Variants in BRINP2 observed in about 807,000 individuals in gnomAD.
BRINP2 encodes BMP/retinoic acid-inducible neural-specific protein 2.
BRINP2 carries 21 observed loss-of-function variants against 69.2 expected under a neutral mutation model. The ratio of observed to expected loss-of-function variants is 0.30; its 90% CI spans 0.22 to 0.44. The LOEUF is 0.44. Ranked by LOEUF, BRINP2 falls within the 20% of genes least tolerant of loss-of-function variation. The probability of loss-of-function intolerance (pLI) is 1.00; values close to 1 mark genes in which losing one functional copy is unlikely to be tolerated. For synonymous variants in BRINP2, 380 were observed against 394.1 expected, an observed-to-expected ratio of 0.96 and a Z score of 0.42; for missense variants, 877 against 986.0, an observed-to-expected ratio of 0.89 and a Z score of 1.48.
chr1:177,250,127 A>T (rs1339305258), intron 2 of BRINP2, among the ~76,000 whole-genome samples: 1 of 151,942 alleles, frequency 6.6e-6, no homozygotes, highest in African/African-American at 2.4e-5. Context: ...CCTGGGCTGG[A>T]CTCAAACTCC....
chr1:177,246,669 C>G (rs550911713), intron 2 of BRINP2, among the ~76,000 whole-genome samples: 40 of 152,302 alleles, frequency 2.6e-4, no homozygotes, highest in African/African-American at 8.9e-4. Flanking sequence ...ATGTCCCTAC[C>G]ATGATAGCTG....
At position 177,278,580 on chromosome 1, in the gene BRINP2, C is replaced by A. The variant is rs1431800603; in HGVS notation, c.1030C>A (p.Leu344Met). 1 of 1,614,168 alleles carries A rather than the reference C, an allele frequency of 6.2e-7. No individual in the cohort carries two copies. Among genetic ancestry groups the A allele is most frequent in the Admixed American group, 1.7e-5 (1 of 60,018 alleles). The change falls in exon 7 of 8, where the codon CTG (leucine) becomes ATG (methionine). Residue 344 changes from leucine to methionine, a missense_variant. By Grantham distance (15) the Leu-to-Met change is conservative. Transcript: ENST00000361539. ...FEESEEFQAL[L>M]KRLPDDRFLN... ...GTCCACAGAAGAGTTCCAGGCCCTG[C>A]TGAAAAGGCTGCCCGATGACCGGTT...
chr1:177,249,013 G>A (rs1650492987), intron 2 of BRINP2, among the ~76,000 whole-genome samples: 3 of 152,114 alleles, frequency 2.0e-5, no homozygotes, highest in Admixed American at 2.0e-4. Context: ...CTAAACTCAT[G>A]TACAACCAGA....
intron 1 of BRINP2, among the ~76,000 whole-genome samples, chr1:177,207,517 G>A (rs764689265): frequency 2.0e-5 from 3 of 152,126 alleles, no homozygotes; most frequent in Non-Finnish European, 4.4e-5. Flanking sequence ...CAGAGGAGTG[G>A]GGTGCAACCA....
Position 177,250,055 on chromosome 1 carries a change from C to T in BRINP2, c.270-5864C>T, listed in dbSNP as rs183159942. On this transcript the variant is annotated intron_variant, in intron 2 of 7. Transcript: ENST00000361539. Reference sequence around the variant, plus strand: ...CTTGCTATGTTGCCCAGGCTGGACTCGAACTCCTGTGGCTGAGGCCTTATG... The same window carrying T: ...CTTGCTATGTTGCCCAGGCTGGACTTGAACTCCTGTGGCTGAGGCCTTATG... Among the ~76,000 whole-genome samples the T allele has an allele frequency of 3.0e-4, 46 of 151,090 alleles. No homozygotes were observed. In the South Asian group the frequency reaches 9.1e-3, roughly 30 times the overall value.
intron 4 of BRINP2, among the ~76,000 whole-genome samples, chr1:177,261,845 C>G (rs1650965099): frequency 6.6e-6 from 1 of 152,118 alleles, no homozygotes; most frequent in Non-Finnish European, 1.5e-5. Flanking sequence ...TGAGACAGAA[C>G]AGAGAGTATG....
chr1:177,208,427 T>C (rs1264517985), intron 1 of BRINP2, among the ~76,000 whole-genome samples: 2 of 152,228 alleles, frequency 1.3e-5, no homozygotes, highest in East Asian at 1.9e-4. Flanking sequence ...AGATAAGTAC[T>C]GTCTTTTAAA....
chr1:177,211,658 G>A (rs1274412722), intron 1 of BRINP2, among the ~76,000 whole-genome samples: 1 of 152,122 alleles, frequency 6.6e-6, no homozygotes, highest in Non-Finnish European at 1.5e-5. Context: ...TCACAGAAGT[G>A]ATTCTATGAT....
At chr1:177,175,290 T>G (rs1405151810) in intron 1 of BRINP2, among the ~76,000 whole-genome samples, 12 of 149,238 alleles carry the variant, frequency 8.0e-5, no homozygotes, top group African/African-American at 3.0e-4. Flanking sequence ...AAAAGCGGGG[T>G]GGGGGGGGCA....
At chr1:177,185,550 A>T (rs927680781) in intron 1 of BRINP2, among the ~76,000 whole-genome samples, 1 of 152,226 alleles carries the variant, frequency 6.6e-6, no homozygotes, top group Non-Finnish European at 1.5e-5. Context: ...AGCCTGGAGA[A>T]GTATTTATAA....
At chr1:177,262,915 C>T (rs540382095) in intron 4 of BRINP2, among the ~76,000 whole-genome samples, 3 of 152,260 alleles carry the variant, frequency 2.0e-5, no homozygotes, top group East Asian at 3.9e-4. Context: ...AACATGAGAC[C>T]AGTCAGCATA....
At chr1:177,175,619 A>T (rs1423136583) in intron 1 of BRINP2, among the ~76,000 whole-genome samples, 3 of 152,180 alleles carry the variant, frequency 2.0e-5, no homozygotes, top group African/African-American at 7.2e-5. Flanking sequence ...GGAAGTTCCC[A>T]TTGAACATGA....
intron 4 of BRINP2, among the ~76,000 whole-genome samples, chr1:177,259,089 G>C (rs1650859732): frequency 6.6e-6 from 1 of 152,164 alleles, no homozygotes; most frequent in East Asian, 1.9e-4. Context: ...CAAACAGTTA[G>C]CCAAGTTGCA....
At chr1:177,232,040 C>A (rs1224374743) in intron 2 of BRINP2, among the ~76,000 whole-genome samples, 4 of 152,180 alleles carry the variant, frequency 2.6e-5, no homozygotes, top group African/African-American at 9.7e-5. Context: ...TCCCTCCAGT[C>A]CAGTAAAATA....
In BRINP2 at chr1:177,281,256, C is replaced by T; in HGVS notation, c.2080C>T (p.Pro694Ser). The part of the protein sequence containing the change: ...QVFGYSLPFD[P>S]DAIRDLILQL... The stretch of plus-strand genomic sequence containing the variant: ...CTTTGGCTACAGCCTGCCCTTTGAC[C>T]CAGATGCTATCCGGGACTTAATTCT... The change falls in exon 8 of 8, where the codon CCA becomes TCA. Residue 694 changes from proline to serine, a missense_variant. By Grantham distance (74) the Pro-to-Ser change is moderately conservative. This residue lies in a region of BRINP2 where 225 missense variants were observed against 218.7 expected (regional missense o/e 1.03). Coordinates refer to ENST00000361539, the MANE Select transcript of BRINP2 (RefSeq NM_021165.4). 1 of 1,614,134 alleles carries T rather than the reference C, an allele frequency of 6.2e-7. No individual in the cohort carries two copies. The highest frequency in any genetic ancestry group is 8.5e-7 in the Non-Finnish European group (1 of 1,180,028).
At chr1:177,250,688 C>T (rs1650552396) in intron 2 of BRINP2, among the ~76,000 whole-genome samples, 2 of 152,176 alleles carry the variant, frequency 1.3e-5, no homozygotes, top group Non-Finnish European at 1.5e-5. Flanking sequence ...AGTCCCTATC[C>T]TTATAATCCC....
Position 177,229,885 on chromosome 1 carries a change from G to A in BRINP2, c.9G>A (p.Trp3Ter), listed in dbSNP as rs147833227. 1 of 1,584,616 alleles carries A rather than the reference G, an allele frequency of 6.3e-7. No homozygotes were observed. The change falls in exon 2 of 8, where the codon TGG becomes TGA. Residue 3 changes from tryptophan (W) to a stop codon, truncating the protein, a stop_gained. Transcript: ENST00000361539. LOFTEE classifies it high-confidence loss of function. ...AATCGCCCGGGAGAAGCATGAGGTG[G>A]CAGTGTGGCACTCGGTTTAGAGGGC... is the stretch of plus-strand genomic sequence containing the variant. MR[W>*]QCGTRFRGLR... is the part of the protein sequence containing the mutation.
chr1:177,207,384 G>C (rs111459853), intron 1 of BRINP2, among the ~76,000 whole-genome samples: 2 of 152,144 alleles, frequency 1.3e-5, no homozygotes, highest in South Asian at 2.1e-4. Flanking sequence ...GGCATTTAAG[G>C]GGGAAGAGTA....
At chr1:177,220,210 G>A (rs1319437383) in intron 1 of BRINP2, among the ~76,000 whole-genome samples, 1 of 152,206 alleles carries the variant, frequency 6.6e-6, no homozygotes, top group Non-Finnish European at 1.5e-5. Context: ...GGAAATGGGG[G>A]AGTGGAGAGC....
Sources: gnomAD v4.1 joint callset for allele counts (sites outside exome capture counted in the v4.1 genomes callset) on GRCh38, gnomAD v4.1.1 for gene constraint, gnomAD v4.1.1 regional missense constraint, MANE v1.5 for transcripts, NCBI Gene and HGNC (gene_info 2026-07-23, HGNC 2026-07-21) for gene names.